The following ZNF677 variants were observed in gnomAD, a reference collection of about 807,000 sequenced individuals.
The protein encoded by ZNF677 is zinc finger protein 677.
Under a neutral mutation model 8.1 loss-of-function variants are expected in ZNF677, and 5 were observed. That is an observed-to-expected ratio of 0.62 (90% confidence interval 0.32 to 1.29). The LOEUF (loss-of-function observed/expected upper bound fraction) is 1.29, where lower values mean the gene tolerates loss of function less well. ZNF677 is among the 50% of genes most tolerant of loss of function. The pLI is 0.05. For missense variants in ZNF677, 685 were observed against 685.9 expected, an observed-to-expected ratio of 1.00 and a Z score of 0.01; for synonymous variants, 221 against 225.6, an observed-to-expected ratio of 0.98 and a Z score of 0.18.
rs1179470903 is a variant in ZNF677 at position 53,238,041 on chromosome 19, A to G, written c.686T>C (p.Leu229Pro). 6.2e-7 allele frequency: 1 copy of G among 1,614,022 alleles called. No individual in the cohort carries two copies. ...ACAAATGTTTTTGACACAAGGAGGA[A>G]GTGGTGAAACTGAGGAACTATTGAT... ...KSINSSSVSP[L>P]PPCVKNICNK... The change falls in exon 5 of 5, where the codon CTT becomes CCT. Residue 229 changes from leucine to proline, a missense_variant. Leu to Pro is a moderately conservative substitution (Grantham distance 98). Transcript: ENST00000598513.
chr19:53,241,976 G>C (rs2091057610), intron 4 of ZNF677: 1 of 364,076 alleles, frequency 2.7e-6, no homozygotes, highest in African/African-American at 2.4e-5. Context: ...TTGTTGCCCA[G>C]GCTGGAGTGC....
intron 3 of ZNF677, among the ~76,000 whole-genome samples, chr19:53,245,320 C>A (rs2091118674): frequency 6.6e-6 from 1 of 152,008 alleles, no homozygotes; most frequent in Non-Finnish European, 1.5e-5. Context: ...CCAAAAGAAA[C>A]AACCAACAGA....
intron 4 of ZNF677, chr19:53,241,170 A>G (rs1317690651): frequency 6.6e-6 from 1 of 152,162 alleles, no homozygotes; most frequent in African/African-American, 2.4e-5. Flanking sequence ...AACATATAAA[A>G]CATCATGAAA....
chr19:53,246,528 A>T (rs1213594395), intron 3 of ZNF677, among the ~76,000 whole-genome samples: 3 of 143,420 alleles, frequency 2.1e-5, no homozygotes, highest in East Asian at 4.2e-4. Flanking sequence ...ACACACACAC[A>T]CACTCACACA....
rs1330983567 is a variant in ZNF677, at chr19:53,237,555, G to T, written c.1172C>A (p.Thr391Asn). Reference sequence around the variant, plus strand: ...TCCAGTATGGATTCTCTTATGTTGGGTAAGGCTTGAACGTTCAGCAAAGGC... The same window carrying T: ...TCCAGTATGGATTCTCTTATGTTGGTTAAGGCTTGAACGTTCAGCAAAGGC... ...DKAFAERSSL[T>N]QHKRIHTGEK... is the part of the protein sequence containing the mutation. The change falls in exon 5 of 5, where the codon ACC becomes AAC. Residue 391 changes from threonine to asparagine, a missense_variant. Coordinates refer to ENST00000598513, the MANE Select transcript of ZNF677 (RefSeq NM_182609.4). 6.2e-7 allele frequency: 1 copy of T among 1,613,392 alleles called. No individual in the cohort carries two copies. Among genetic ancestry groups the T allele is most frequent in the Admixed American group, 1.7e-5 (1 of 59,946 alleles).
chr19:53,237,797 C>CT lies in ZNF677; in HGVS notation c.929dup (p.Arg311GlufsTer12). ...ATGGTTTCTCTCCTGTATGGACTCT[C>CT]TGATGCCTAGTGAGGTTCGAACACT... On this transcript the variant is annotated frameshift_variant, in exon 5 of 5. Transcript: ENST00000598513. LOFTEE classifies it low-confidence loss of function (END_TRUNC). The CT allele has an allele frequency of 6.2e-7, 1 of 1,613,448 alleles. No individual in the cohort carries two copies. The highest frequency in any genetic ancestry group is 8.5e-7 in the Non-Finnish European group (1 of 1,179,732).
intron 4 of ZNF677, chr19:53,239,431 G>A (rs2091013570): frequency 6.6e-6 from 1 of 152,140 alleles, no homozygotes; most frequent in Non-Finnish European, 1.5e-5. Flanking sequence ...TGAAGAATTA[G>A]GAGGGGAGTC....
At chr19:53,251,376 G>A (rs976631086) in intron 3 of ZNF677, among the ~76,000 whole-genome samples, 160 bp downstream of exon 3, 5 of 152,180 alleles carry the variant, frequency 3.3e-5, no homozygotes, top group Non-Finnish European at 7.3e-5. Flanking sequence ...CCGGGTCACA[G>A]TGAGATGGAA....
At chr19:53,249,449 G>A (rs964537274) in intron 3 of ZNF677, 1 of 152,148 alleles carries the variant, frequency 6.6e-6, no homozygotes, top group Non-Finnish European at 1.5e-5. Flanking sequence ...GCTCCAATGA[G>A]AAAGTAAAAA....
In ZNF677 at chr19:53,245,838, C is replaced by T. The variant is rs561542513; in HGVS notation, c.16-1941G>A. ...ACCAGCCTGGCCAACATGGTGAAAC[C>T]TCATCTCTATTAAAAACATAAAAAT... is the stretch of plus-strand genomic sequence containing the variant. On this transcript the variant is annotated intron_variant, in intron 3 of 4. Coordinates refer to ENST00000598513, the MANE Select transcript of ZNF677 (RefSeq NM_182609.4). 8.4e-4 allele frequency among the ~76,000 whole-genome samples: 127 copies of T among 151,762 alleles called. 2 individuals are homozygous for T. The highest frequency in any genetic ancestry group is 2.9e-3 in the African/African-American group (118 of 41,362).
chr19:53,251,537 T>G lies in ZNF677; in HGVS notation c.14A>C (p.Gln5Pro). The change falls in exon 3 of 5, where the codon CAG (glutamine) becomes CCG (proline). Residue 5 changes from glutamine to proline, a missense_variant and splice_region_variant. Transcript: ENST00000598513. Reference protein sequence around the residue: MALSQGLFTFKDVAI... With the variant: MALSPGLFTFKDVAI... Reference sequence around the variant, plus strand: ...GTGAACCAAGAATATAACTTTTACCTGAGAAAGAGCCATTCCCTCCTCTTC... The same window carrying G: ...GTGAACCAAGAATATAACTTTTACCGGAGAAAGAGCCATTCCCTCCTCTTC... The G allele has an allele frequency of 6.2e-7, 1 of 1,613,434 alleles. No individual in the cohort carries two copies.
chr19:53,254,350 CAG>C (rs941603604), intron 1 of ZNF677, among the ~76,000 whole-genome samples: 7 of 152,134 alleles, frequency 4.6e-5, no homozygotes, highest in African/African-American at 1.7e-4. Flanking sequence ...CCTTCTCTGA[CAG>C]AGTGTTTGGC....
chr19:53,248,715 TATGTTGCTACTATC>T (rs2091186129), intron 3 of ZNF677, among the ~76,000 whole-genome samples: 1 of 152,228 alleles, frequency 6.6e-6, no homozygotes, highest in Non-Finnish European at 1.5e-5. Flanking sequence ...AAATTATTTC[TATGTTGCTACTATC>T]ATGATTCTCT....
chr19:53,238,504 CT>C lies in ZNF677; in HGVS notation c.222del (p.Glu75ArgfsTer7). Reference sequence around the variant, plus strand: ...AATATCACCAGATGGTATAATTCCTCTTTATTATTTTCCTTTGGTGATAATC... The same window carrying C: ...AATATCACCAGATGGTATAATTCCTCTTATTATTTTCCTTTGGTGATAATC... ...SKGLSPKENN[K>X]EELYHLVILE... On this transcript the variant is annotated frameshift_variant, in exon 5 of 5. Transcript: ENST00000598513. LOFTEE classifies it low-confidence loss of function (END_TRUNC). 1 of 1,598,338 alleles carries C rather than the reference CT, an allele frequency of 6.3e-7. No homozygotes were observed. The highest frequency in any genetic ancestry group is 8.5e-7 in the Non-Finnish European group (1 of 1,175,402).
intron 2 of ZNF677, 57 bp from the exon 3 acceptor site, chr19:53,251,662 C>T (rs1304124262): frequency 8.9e-6 from 11 of 1,239,308 alleles, no homozygotes; most frequent in East Asian, 4.8e-5. Context: ...CCTGCCTCTA[C>T]CACACACACA....
intron 3 of ZNF677, chr19:53,249,340 C>T (rs1382596828): frequency 1.3e-5 from 2 of 152,180 alleles, no homozygotes; most frequent in Non-Finnish European, 2.9e-5. Context: ...GGAATCCTCA[C>T]ACAGCTGTAG....
chr19:53,249,043 G>A (rs1352112741), intron 3 of ZNF677: 9 of 152,000 alleles, frequency 5.9e-5, no homozygotes, highest in East Asian at 1.9e-4. Context: ...AGCTGATTCT[G>A]TATTCTGTCA....
chr19:53,246,472 T>C (rs2091142581), intron 3 of ZNF677, among the ~76,000 whole-genome samples: 1 of 143,680 alleles, frequency 7.0e-6, no homozygotes, highest in Non-Finnish European at 1.5e-5. Context: ...AAGGAATGAC[T>C]GAATAAAGAA....
Position 53,236,982 on chromosome 19 carries a change from C to T in ZNF677, c.1745G>A (p.Ser582Asn). The T allele has an allele frequency of 6.4e-7, 1 of 1,558,624 alleles. No individual in the cohort carries two copies. The highest frequency in any genetic ancestry group is 8.6e-7 in the Non-Finnish European group (1 of 1,158,594). Reference sequence around the variant, plus strand: ...ATGGAGCCCCTGATGCTAGGTACAGCTTGAATACTTAATTTTTGTCTCATT... The same window carrying T: ...ATGGAGCCCCTGATGCTAGGTACAGTTTGAATACTTAATTTTTGTCTCATT... ...KYNETKIKYS[S>N]CT The change falls in exon 5 of 5, where the codon AGC becomes AAC. Residue 582 changes from serine (S) to asparagine (N), a missense_variant. By Grantham distance (46) the Ser-to-Asn change is conservative. Transcript: ENST00000598513.
Sources: gnomAD v4.1 joint callset for allele counts (sites outside exome capture counted in the v4.1 genomes callset) on GRCh38, gnomAD v4.1.1 for gene constraint, MANE v1.5 for transcripts, NCBI Gene and HGNC (gene_info 2026-07-23, HGNC 2026-07-21) for gene names.